The following NADK2 variants were observed in gnomAD, a reference collection of about 807,000 sequenced individuals.
The protein encoded by NADK2 is NAD kinase 2, mitochondrial, also known as NAD kinase domain-containing protein 1, mitochondrial.
NADK2 carries 35 observed loss-of-function variants against 62.1 expected under a neutral mutation model. The ratio of observed to expected loss-of-function variants is 0.56; its 90% confidence interval spans 0.43 to 0.75. The LOEUF is 0.75. NADK2 is among the 30% of genes least tolerant of loss of function. The pLI is 0.00. For synonymous variants in NADK2, 205 were observed against 207.9 expected (o/e 0.99, Z 0.12); for missense variants, 439 against 561.3 (o/e 0.78, Z 2.20).
At chr5:36,220,778 C>T (rs1466333926) in intron 4 of NADK2, among the ~76,000 whole-genome samples, 1 of 152,216 alleles carries the variant, frequency 6.6e-6, no homozygotes, top group East Asian at 1.9e-4. Flanking sequence ...GGGCGGCAGG[C>T]ATCTGAAGGC....
rs1748116872 is a variant in NADK2, at chr5:36,241,449, C to T, written c.300+50G>A. On this transcript the variant is annotated intron_variant, in intron 1 of 11. Transcript: ENST00000381937. The surrounding 1 kb of genome is among the most constrained non-coding windows in gnomAD (Gnocchi z 4.9). The stretch of plus-strand genomic sequence containing the variant: ...CCCCCCGAGGGGGCGCAGCCGCCAC[C>T]AGAGCCCCGGCCGAGCCCGGGAGCG... The T allele has an allele frequency of 2.0e-6, 3 of 1,488,658 alleles. No homozygotes were observed. The highest frequency in any genetic ancestry group is 1.2e-5 in the South Asian group (1 of 81,662). The allele number at this position is 1,488,658 out of a possible 1,614,324, so 92.2% of individuals were successfully genotyped here. A position where few individuals can be genotyped will look rare whatever the true frequency, so the allele number is the denominator to read the frequency against.
chr5:36,236,887 A>AC (rs1554011500), intron 1 of NADK2, among the ~76,000 whole-genome samples: 1 of 151,304 alleles, frequency 6.6e-6, no homozygotes, highest in African/African-American at 2.4e-5. Flanking sequence ...AAAAAAAAAA[A>AC]CAGGAATTGG....
chr5:36,203,052 TC>T (rs1215008709), intron 8 of NADK2, among the ~76,000 whole-genome samples: 4 of 152,078 alleles, frequency 2.6e-5, no homozygotes, highest in Middle Eastern at 3.2e-3. Flanking sequence ...AAATAGACTA[TC>T]CTAATATTTT....
chr5:36,214,847 A>G (rs1265919857), intron 6 of NADK2, among the ~76,000 whole-genome samples: 1 of 152,180 alleles, frequency 6.6e-6, no homozygotes, highest in Non-Finnish European at 1.5e-5. Flanking sequence ...GGACAGTGAG[A>G]TGAGTTAAAA....
intron 1 of NADK2, among the ~76,000 whole-genome samples, chr5:36,231,773 A>C (rs1489353994): frequency 6.6e-6 from 1 of 152,236 alleles, no homozygotes; most frequent in Non-Finnish European, 1.5e-5. Flanking sequence ...TCAGACAAAA[A>C]TAAGAACACA....
intron 3 of NADK2, 124 bp from the exon 4 acceptor site, chr5:36,225,747 C>T (rs1579628747): frequency 5.8e-6 from 4 of 689,392 alleles, no homozygotes; most frequent in Non-Finnish European, 9.8e-6. Context: ...TATAGCCTAT[C>T]CCACTCCCTT....
At chr5:36,196,788 G>A (rs1332904040) in intron 11 of NADK2, among the ~76,000 whole-genome samples, 1 of 152,000 alleles carries the variant, frequency 6.6e-6, no homozygotes, top group Non-Finnish European at 1.5e-5. Flanking sequence ...CCCAAACTGA[G>A]TACACATCTG....
chr5:36,238,843 T>C (rs1190087241), intron 1 of NADK2, among the ~76,000 whole-genome samples: 1 of 152,132 alleles, frequency 6.6e-6, no homozygotes, highest in African/African-American at 2.4e-5. Flanking sequence ...AAACGGTAAA[T>C]AAAAGTCAAA....
At chr5:36,222,340 C>G (rs1396071656) in intron 4 of NADK2, among the ~76,000 whole-genome samples, 1 of 152,104 alleles carries the variant, frequency 6.6e-6, no homozygotes, top group Non-Finnish European at 1.5e-5. Context: ...AACAAAGCTC[C>G]CCACCAGAGT....
At chr5:36,208,648 T>A in intron 7 of NADK2, 1 of 1,533,732 alleles carries the variant, frequency 6.5e-7, no homozygotes, top group Non-Finnish European at 8.7e-7. Flanking sequence ...TGGGTATACT[T>A]CTTCTTAAAT....
At position 36,236,038 on chromosome 5, in the gene NADK2, G is replaced by C. The variant is rs530526350; in HGVS notation, c.300+5461C>G. Among the ~76,000 whole-genome samples the C allele has an allele frequency of 5.9e-5, 9 of 152,068 alleles. No homozygotes were observed. In the Middle Eastern group the frequency reaches 0.014, roughly 230 times the overall value. Reference sequence around the variant, plus strand: ...AGTCAATTTACACTTTACTAGTTGAGAAGAGATTAATGTGCATCAAACACA... The same window carrying C: ...AGTCAATTTACACTTTACTAGTTGACAAGAGATTAATGTGCATCAAACACA... On this transcript the variant is annotated intron_variant, in intron 1 of 11. Coordinates refer to ENST00000381937, the MANE Select transcript of NADK2 (RefSeq NM_001085411.3).
At chr5:36,239,522 ACCT>A (rs1232839556) in intron 1 of NADK2, among the ~76,000 whole-genome samples, 2 of 152,220 alleles carry the variant, frequency 1.3e-5, no homozygotes, top group African/African-American at 4.8e-5. Context: ...AAACAGCATT[ACCT>A]AGCAATAGAC....
At chr5:36,195,545 T>A (rs991859218) in intron 11 of NADK2, among the ~76,000 whole-genome samples, 1 of 152,212 alleles carries the variant, frequency 6.6e-6, no homozygotes. Context: ...TATGATTAAA[T>A]GCTGAATTAC....
At chr5:36,231,199 T>C (rs892448092) in intron 1 of NADK2, among the ~76,000 whole-genome samples, 1 of 152,194 alleles carries the variant, frequency 6.6e-6, no homozygotes, top group Admixed American at 6.5e-5. Context: ...CGTTGACTGT[T>C]AGGGAACTTT....
intron 4 of NADK2, chr5:36,221,532 T>C (rs556192514): frequency 5.3e-5 from 8 of 152,344 alleles, no homozygotes; most frequent in African/African-American, 9.6e-5. Flanking sequence ...CTGGGCTTTT[T>C]TTAAGGACTG....
At chr5:36,204,663 C>T (rs1746569545) in intron 8 of NADK2, among the ~76,000 whole-genome samples, 1 of 151,912 alleles carries the variant, frequency 6.6e-6, no homozygotes, top group South Asian at 2.1e-4. Flanking sequence ...TAGAAATGTT[C>T]CTTTCACTGG....
chr5:36,236,791 G>A (rs1347848738), intron 1 of NADK2, among the ~76,000 whole-genome samples: 1 of 149,002 alleles, frequency 6.7e-6, no homozygotes, highest in African/African-American at 2.5e-5. Flanking sequence ...CACAATCTTG[G>A]TAGCCAGAGA....
chr5:36,237,927 C>A lies in NADK2; in HGVS notation c.300+3572G>T, dbSNP rs563408188. 4.6e-5 allele frequency among the ~76,000 whole-genome samples: 7 copies of A among 152,228 alleles called. No homozygotes were observed. In the South Asian group the frequency reaches 1.5e-3, roughly 32 times the overall value. On this transcript the variant is annotated intron_variant, in intron 1 of 11. Transcript: ENST00000381937. ...TAAGGTTCAGGTGTCTGCATTTTAA[C>A]AAGTACTCTTGGTGACTAAAGGGTA... is the stretch of plus-strand genomic sequence containing the variant.
chr5:36,226,423 G>C, intron 3 of NADK2, 52 bp downstream of exon 3: 2 of 1,362,840 alleles, frequency 1.5e-6, no homozygotes, highest in Admixed American at 1.7e-5. Context: ...TGGAAATAAT[G>C]TGTATTAAAC....
Sources: allele counts gnomAD v4.1 joint callset (sites outside exome capture counted in the v4.1 genomes callset), GRCh38; gene constraint gnomAD v4.1.1; non-coding constraint Gnocchi (gnomAD v3.1); transcripts MANE v1.5; gene names NCBI Gene and HGNC (gene_info 2026-07-23, HGNC 2026-07-21).